PCTP: variants seen among roughly 807,000 people sequenced by gnomAD.
The protein encoded by PCTP is phosphatidylcholine transfer protein.
PCTP carries 27 observed loss-of-function variants against 31.0 expected under a neutral mutation model. That is an observed-to-expected ratio of 0.87 (90% CI 0.64 to 1.20). The LOEUF is 1.20. PCTP is among the 50% of genes most tolerant of loss of function. The pLI, the probability that PCTP is intolerant of heterozygous loss-of-function variation, is 0.00. For synonymous variants in PCTP, 108 were observed against 101.2 expected, an observed-to-expected ratio of 1.07 and a Z score of -0.40; for missense variants, 287 against 268.2, an observed-to-expected ratio of 1.07 and a Z score of -0.49.
downstream of PCTP, among the ~76,000 whole-genome samples, chr17:55,845,385 T>C (rs1906114311): frequency 6.6e-6 from 1 of 152,150 alleles, no homozygotes; most frequent in African/African-American, 2.4e-5. Context: ...GTCTCCGTGG[T>C]GCAGCCAGGC....
chr17:55,766,635 T>C (rs376672725), intron 1 of PCTP, among the ~76,000 whole-genome samples: 1 of 152,230 alleles, frequency 6.6e-6, no homozygotes, highest in African/African-American at 2.4e-5. Context: ...TGTATATGTG[T>C]CACATTTTCT....
At chr17:55,753,799 T>C (rs1366290462) in intron 1 of PCTP, among the ~76,000 whole-genome samples, 3 of 152,204 alleles carry the variant, frequency 2.0e-5, no homozygotes, top group Admixed American at 6.5e-5. Flanking sequence ...CAGTGGCATA[T>C]ACAAAGCACA....
At chr17:55,752,252 C>G (rs1039108120) in intron 1 of PCTP, among the ~76,000 whole-genome samples, 2 of 152,122 alleles carry the variant, frequency 1.3e-5, no homozygotes, top group African/African-American at 4.8e-5. Flanking sequence ...AAACAGAAAA[C>G]AAACGTTTGC....
chr17:55,792,023 G>T (rs1912002976), intron 3 of PCTP, among the ~76,000 whole-genome samples: 1 of 150,492 alleles, frequency 6.6e-6, no homozygotes, highest in East Asian at 2.0e-4. Context: ...GGATGAAATT[G>T]GAAATCATCA....
chr17:55,827,400 GA>G (rs1905434930), downstream of PCTP, among the ~76,000 whole-genome samples: 1 of 152,226 alleles, frequency 6.6e-6, no homozygotes, highest in Admixed American at 6.5e-5. Flanking sequence ...GCTGACCACT[GA>G]AGCATAAGTA....
At chr17:55,775,636 T>C in intron 5 of PCTP, 1 of 1,194,694 alleles carries the variant, frequency 8.4e-7, no homozygotes. Flanking sequence ...AACTAAATAA[T>C]AATATATCCT....
At chr17:55,844,753 A>C (rs1348428712), downstream of PCTP, among the ~76,000 whole-genome samples, 1 of 152,166 alleles carries the variant, frequency 6.6e-6, no homozygotes, top group Non-Finnish European at 1.5e-5. Context: ...TAAAATCCAG[A>C]AAATGGTAAC....
intron 3 of PCTP, among the ~76,000 whole-genome samples, chr17:55,817,458 TG>T (rs1208869848): frequency 2.6e-5 from 4 of 152,368 alleles, no homozygotes; most frequent in African/African-American, 9.6e-5. Context: ...ATGACCATCT[TG>T]TGCTTTTTAA....
At chr17:55,800,278 ATTCT>A (rs1912331306) in intron 3 of PCTP, among the ~76,000 whole-genome samples, 1 of 151,766 alleles carries the variant, frequency 6.6e-6, no homozygotes, top group East Asian at 1.9e-4. Flanking sequence ...GTTCCTTTTC[ATTCT>A]TTTTTCTGTA....
downstream of PCTP, among the ~76,000 whole-genome samples, chr17:55,780,833 AG>A (rs1188553097): frequency 6.6e-6 from 1 of 152,166 alleles, no homozygotes; most frequent in East Asian, 1.9e-4. Flanking sequence ...TAAAAGGAAA[AG>A]GTATGAACTC....
At chr17:55,792,324 AG>A (rs1317873547) in intron 3 of PCTP, among the ~76,000 whole-genome samples, 1 of 137,920 alleles carries the variant, frequency 7.3e-6, no homozygotes, top group African/African-American at 3.3e-5. Context: ...AATAAAAAAA[AG>A]AAAAAAAAAA....
At chr17:55,780,526 C>CA (rs1440644633), downstream of PCTP, among the ~76,000 whole-genome samples, 3 of 152,228 alleles carry the variant, frequency 2.0e-5, no homozygotes, top group Non-Finnish European at 4.4e-5. Context: ...AACACTTGTG[C>CA]ACATATTCCA....
At chr17:55,781,680 T>A (rs74936495), downstream of PCTP, among the ~76,000 whole-genome samples, 1 of 152,216 alleles carries the variant, frequency 6.6e-6, no homozygotes, top group Non-Finnish European at 1.5e-5. Flanking sequence ...AATCCTATAT[T>A]TTTAATGCAC....
chr17:55,839,936 A>AC (rs1905914543), intron 5 of PCTP, among the ~76,000 whole-genome samples: 1 of 150,114 alleles, frequency 6.7e-6, no homozygotes, highest in African/African-American at 2.4e-5. Flanking sequence ...AAAAAAAAAA[A>AC]AAAAAAAAAA....
intron 3 of PCTP, among the ~76,000 whole-genome samples, chr17:55,793,416 G>A (rs1379271922): frequency 2.0e-5 from 3 of 151,944 alleles, no homozygotes; most frequent in East Asian, 3.9e-4. Flanking sequence ...CACTCACCCC[G>A]TTTCCCTCCA....
Position 55,790,769 on chromosome 17 carries a change from A to C in PCTP, c.317+3115A>C, listed in dbSNP as rs547740558. ...GATTCAATGCCATCCCCATCAAGCT[A>C]CCAATGACTTTCTTCACAGAATTGG... On this transcript the variant is annotated intron_variant, in intron 3 of 3. Coordinates refer to the PCTP transcript ENST00000572536. 3.3e-5 allele frequency among the ~76,000 whole-genome samples: 5 copies of C among 149,326 alleles called. No individual in the cohort carries two copies. In the East Asian group the frequency reaches 5.8e-4, roughly 17 times the overall value.
chr17:55,846,933 C>A (rs1276653103), downstream of PCTP, among the ~76,000 whole-genome samples: 1 of 152,128 alleles, frequency 6.6e-6, no homozygotes, highest in Non-Finnish European at 1.5e-5. Context: ...TCTTAGATTC[C>A]CATTACTTAG....
intron 3 of PCTP, among the ~76,000 whole-genome samples, chr17:55,807,770 G>A (rs555907582): frequency 3.9e-5 from 6 of 152,216 alleles, no homozygotes; most frequent in African/African-American, 1.4e-4. Context: ...AGACTCTAGA[G>A]CAACTTGAGT....
At chr17:55,801,874 C>T (rs1912395589) in intron 3 of PCTP, among the ~76,000 whole-genome samples, 1 of 152,032 alleles carries the variant, frequency 6.6e-6, no homozygotes, top group Non-Finnish European at 1.5e-5. Context: ...CAGAGCAGAA[C>T]TGAGGGAGAT....
Sources: gnomAD v4.1 joint callset for allele counts (sites outside exome capture counted in the v4.1 genomes callset) on GRCh38, gnomAD v4.1.1 for gene constraint, MANE v1.5 for transcripts, NCBI Gene and HGNC (gene_info 2026-07-23, HGNC 2026-07-21) for gene names.